The following PRELID2 variants were observed in gnomAD, a reference collection of about 807,000 sequenced individuals.
PRELID2 encodes the protein PRELI domain containing 2.
Under a neutral mutation model 28.4 loss-of-function variants are expected in PRELID2, and 25 were observed. The ratio of observed to expected loss-of-function variants is 0.88; its 90% CI spans 0.64 to 1.23. The LOEUF is 1.23. Among genes scored for constraint, PRELID2 ranks in the 50% most tolerant of loss-of-function variants. PRELID2 has a pLI of 0.00. For missense variants in PRELID2, 201 were observed against 214.4 expected, an observed-to-expected ratio of 0.94 and a Z score of 0.39; for synonymous variants, 76 against 71.6, an observed-to-expected ratio of 1.06 and a Z score of -0.31.
At chr5:145,554,296 T>A (rs1460666134) in intron 1 of PRELID2, among the ~76,000 whole-genome samples, 1 of 152,014 alleles carries the variant, frequency 6.6e-6, no homozygotes, top group Non-Finnish European at 1.5e-5. Flanking sequence ...TGTGGGAGAA[T>A]GTGAAGTGGA....
the PRELID2 span, among the ~76,000 whole-genome samples, chr5:145,444,349 C>T: frequency 6.6e-6 from 1 of 152,040 alleles, no homozygotes; most frequent in Non-Finnish European, 1.5e-5. Context: ...CATTCATTCC[C>T]ATGCTTGAAG....
At chr5:145,436,725 C>G in the PRELID2 span, among the ~76,000 whole-genome samples, 1 of 152,020 alleles carries the variant, frequency 6.6e-6, no homozygotes, top group East Asian at 1.9e-4. Context: ...CTGTGAGAAT[C>G]CTGAATGTGT....
intron 1 of PRELID2, among the ~76,000 whole-genome samples, chr5:145,572,174 A>T (rs1753020533): frequency 1.3e-5 from 2 of 152,166 alleles, no homozygotes; most frequent in Non-Finnish European, 2.9e-5. Flanking sequence ...GCCAATCAGA[A>T]AATTTTGGCT....
At chr5:145,340,678 G>A in the PRELID2 span, among the ~76,000 whole-genome samples, 17 of 151,416 alleles carry the variant, frequency 1.1e-4, no homozygotes, top group Non-Finnish European at 1.9e-4. Context: ...CAGGTAGGAG[G>A]ATCACTTGAG....
At chr5:145,280,136 G>A in the PRELID2 span, among the ~76,000 whole-genome samples, 4 of 152,108 alleles carry the variant, frequency 2.6e-5, no homozygotes, top group Non-Finnish European at 2.9e-5. Context: ...GACAGATAGG[G>A]TTCAGGGGAG....
intron 4 of PRELID2, among the ~76,000 whole-genome samples, chr5:145,801,112 T>C (rs1753109507): frequency 2.0e-5 from 3 of 152,224 alleles, no homozygotes; most frequent in Admixed American, 2.0e-4. Context: ...TTTAGTAGTT[T>C]ATAAATTTTC....
At chr5:145,453,864 T>G in the PRELID2 span, among the ~76,000 whole-genome samples, 3 of 152,240 alleles carry the variant, frequency 2.0e-5, no homozygotes, top group African/African-American at 7.2e-5. Flanking sequence ...CAGTCTATCA[T>G]TGATGGGCAT....
chr5:145,457,375 C>T, the PRELID2 span, among the ~76,000 whole-genome samples: 2 of 152,160 alleles, frequency 1.3e-5, no homozygotes, highest in African/African-American at 4.8e-5. Flanking sequence ...TTGGTAAATG[C>T]TATTCAACTT....
chr5:145,714,231 C>T (rs1008943687), intron 1 of PRELID2, among the ~76,000 whole-genome samples: 4 of 152,120 alleles, frequency 2.6e-5, no homozygotes, highest in African/African-American at 9.7e-5. Context: ...CCACTTTTAG[C>T]CTCAATCCAC....
At position 145,670,962 on chromosome 5, in the gene PRELID2, T is replaced by C. The variant is rs1436303640; in HGVS notation, n.70+93969A>G. Among the ~76,000 whole-genome samples, 7 of 152,212 alleles carry C rather than the reference T, an allele frequency of 4.6e-5. No individual in the cohort carries two copies. The East Asian group carries it at 1.3e-3, about 29-fold the overall frequency. On this transcript the variant is annotated intron_variant and non_coding_transcript_variant, in intron 1 of 2. Coordinates refer to the PRELID2 transcript ENST00000510259. ...TAATATACTAAATGTATACCCAGGTTAGCTACATAACCTCTCTGAGCATCA... is the reference window on the plus strand; with the variant it reads ...TAATATACTAAATGTATACCCAGGTCAGCTACATAACCTCTCTGAGCATCA...
chr5:145,558,854 A>G (rs1005213311), intron 1 of PRELID2, among the ~76,000 whole-genome samples: 2 of 152,204 alleles, frequency 1.3e-5, no homozygotes, highest in Non-Finnish European at 2.9e-5. Context: ...ATTTGGCAAA[A>G]TCTATGAAAA....
At chr5:145,441,335 C>T in the PRELID2 span, among the ~76,000 whole-genome samples, 2 of 151,754 alleles carry the variant, frequency 1.3e-5, no homozygotes, top group African/African-American at 4.8e-5. Flanking sequence ...GAATCTATTC[C>T]TTTCTGTCCA....
chr5:145,639,026 A>G (rs1754050495), intron 1 of PRELID2, among the ~76,000 whole-genome samples: 1 of 152,218 alleles, frequency 6.6e-6, no homozygotes, highest in South Asian at 2.1e-4. Context: ...TGGACCTAAG[A>G]GTATATTCTT....
chr5:145,251,163 T>A, the PRELID2 span, among the ~76,000 whole-genome samples: 2 of 152,028 alleles, frequency 1.3e-5, no homozygotes, highest in Non-Finnish European at 2.9e-5. Context: ...CCCCAGTAGT[T>A]TCTTATCTTG....
At chr5:145,731,653 T>C (rs1756350699) in intron 1 of PRELID2, among the ~76,000 whole-genome samples, 1 of 152,230 alleles carries the variant, frequency 6.6e-6, no homozygotes, top group African/African-American at 2.4e-5. Flanking sequence ...TTTGAAATTA[T>C]GCTATGAGAA....
intron 1 of PRELID2, among the ~76,000 whole-genome samples, chr5:145,673,886 C>A (rs539101395): frequency 6.6e-6 from 1 of 152,060 alleles, no homozygotes; most frequent in Admixed American, 6.5e-5. Context: ...TTCTGAAAAA[C>A]ACAGAAGCAG....
At chr5:145,319,163 G>T in the PRELID2 span, among the ~76,000 whole-genome samples, 1 of 152,130 alleles carries the variant, frequency 6.6e-6, no homozygotes, top group African/African-American at 2.4e-5. Context: ...AAAAAGAAAT[G>T]CCTGTTCCCA....
chr5:145,740,298 A>G (rs1756628248), intron 1 of PRELID2, among the ~76,000 whole-genome samples: 1 of 110,604 alleles, frequency 9.0e-6, no homozygotes, highest in Non-Finnish European at 1.9e-5. Flanking sequence ...ATATATATAT[A>G]TATATATATA....
chr5:145,399,634 T>C, the PRELID2 span, among the ~76,000 whole-genome samples: 2 of 152,096 alleles, frequency 1.3e-5, no homozygotes, highest in African/African-American at 2.4e-5. Flanking sequence ...GAGATCTTTT[T>C]CCCTCTCATC....
Sources: gnomAD v4.1 joint callset for allele counts (sites outside exome capture counted in the v4.1 genomes callset) on GRCh38, gnomAD v4.1.1 for gene constraint, MANE v1.5 for transcripts, NCBI Gene and HGNC (gene_info 2026-07-23, HGNC 2026-07-21) for gene names.